ERICH3: variants seen among roughly 807,000 people sequenced by gnomAD.
ERICH3 encodes the protein glutamate rich 3.
In ERICH3, 126 loss-of-function variants were observed where a neutral mutation model predicts 131.1. The ratio of observed to expected loss-of-function variants is 0.96; its 90% CI spans 0.83 to 1.11. The LOEUF is 1.11. ERICH3 is among the 50% of genes most tolerant of loss of function. The pLI, the probability that ERICH3 is intolerant of heterozygous loss-of-function variation, is 0.00. For missense variants in ERICH3, 2,050 were observed against 1,810.7 expected (o/e 1.13, Z -2.40); for synonymous variants, 695 against 644.6 (o/e 1.08, Z -1.18).
At chr1:74,604,010 A>C (rs1648269774) in intron 10 of ERICH3, among the ~76,000 whole-genome samples, 1 of 151,964 alleles carries the variant, frequency 6.6e-6, no homozygotes, top group Non-Finnish European at 1.5e-5. Context: ...GCTGTTTAAC[A>C]GCATTTACAC....
chr1:74,630,096 G>T (rs1012756676), intron 7 of ERICH3, among the ~76,000 whole-genome samples: 2 of 152,120 alleles, frequency 1.3e-5, no homozygotes, highest in Admixed American at 1.3e-4. Flanking sequence ...AAAAGAGCAT[G>T]AACAGGTAGA....
intron 12 of ERICH3, chr1:74,579,358 A>C: frequency 1.0e-6 from 1 of 977,208 alleles, no homozygotes; most frequent in Non-Finnish European, 1.2e-6. Context: ...AAAGACTACT[A>C]TAAGAAGCCA....
chr1:74,573,946 C>T (rs575718952), intron 13 of ERICH3, among the ~76,000 whole-genome samples: 13 of 150,348 alleles, frequency 8.6e-5, no homozygotes, highest in Non-Finnish European at 1.9e-4. Flanking sequence ...AGAAAAATAG[C>T]ATTTAATCTT....
At chr1:74,590,908 A>G (rs1453256146) in intron 11 of ERICH3, among the ~76,000 whole-genome samples, 1 of 152,190 alleles carries the variant, frequency 6.6e-6, no homozygotes, top group Non-Finnish European at 1.5e-5. Context: ...AAAACGCTTT[A>G]TAAATATTCA....
rs1478021738 is a variant in ERICH3, at chr1:74,569,003, C to T, written c.*1455G>A. 1 of 152,114 alleles carries T rather than the reference C, an allele frequency of 6.6e-6. No homozygotes were observed. Among genetic ancestry groups the T allele is most frequent in the Non-Finnish European group, 1.5e-5 (1 of 68,024 alleles). The allele number at this position is 152,114 out of a possible 1,614,324, so 9.4% of individuals were successfully genotyped here. On this transcript the variant is annotated 3_prime_UTR_variant, in exon 15 of 15. Coordinates refer to ENST00000326665, the MANE Select transcript of ERICH3 (RefSeq NM_001002912.5). ...TCTGATCAAGGGACCAGTCTACTAT[C>T]TGGTCCAGTGTATTTTTGATCATTG...
chr1:74,636,034 TA>T, intron 6 of ERICH3, among the ~76,000 whole-genome samples: 1 of 152,322 alleles, frequency 6.6e-6, no homozygotes, highest in South Asian at 2.1e-4. Context: ...CCTTGTAAAC[TA>T]AGGAGAAATC....
intron 1 of ERICH3, among the ~76,000 whole-genome samples, chr1:74,660,201 T>G (rs1646627156): frequency 6.6e-6 from 1 of 152,120 alleles, no homozygotes; most frequent in South Asian, 2.1e-4. Flanking sequence ...AGGACATGTT[T>G]GGTTCCCCTT....
intron 12 of ERICH3, chr1:74,580,052 T>C (rs1021693019): frequency 3.5e-5 from 10 of 288,736 alleles, no homozygotes; most frequent in Admixed American, 1.3e-4. Flanking sequence ...TTTCCCTAAA[T>C]ATGGAGACAG....
At chr1:74,596,534 C>G (rs1278830788) in intron 11 of ERICH3, among the ~76,000 whole-genome samples, 1 of 151,950 alleles carries the variant, frequency 6.6e-6, no homozygotes, top group South Asian at 2.1e-4. Context: ...CACTGTTATT[C>G]GCTATAGTCA....
intron 5 of ERICH3, among the ~76,000 whole-genome samples, chr1:74,638,742 T>C (rs1646412906): frequency 6.6e-6 from 1 of 152,188 alleles, no homozygotes; most frequent in Non-Finnish European, 1.5e-5. Context: ...TTCCAGGTCA[T>C]GTGCTTAGAG....
Position 74,630,370 on chromosome 1 carries a change from C to T in ERICH3, c.819+1343G>A, listed in dbSNP as rs953664159. On this transcript the variant is annotated intron_variant, in intron 7 of 14. Transcript: ENST00000326665. ...CTACTCCATTGAGGTCAGTCTTGGT[C>T]AAGGGCTTGCCAAATGGCATTCAAG... Among the ~76,000 whole-genome samples the T allele has an allele frequency of 3.9e-5, 6 of 152,242 alleles. No individual in the cohort carries two copies. The South Asian group carries it at 1.2e-3, about 32-fold the overall frequency.
intron 5 of ERICH3, among the ~76,000 whole-genome samples, chr1:74,637,301 C>T (rs1369923791): frequency 6.6e-6 from 1 of 152,148 alleles, no homozygotes; most frequent in Non-Finnish European, 1.5e-5. Context: ...GGGAAGCCCT[C>T]TCCCAGCTAC....
At chr1:74,661,871 T>C (rs1299123621) in intron 1 of ERICH3, among the ~76,000 whole-genome samples, 2 of 152,222 alleles carry the variant, frequency 1.3e-5, no homozygotes, top group African/African-American at 4.8e-5. Flanking sequence ...CAAAAATAAA[T>C]CCTCTTCGGA....
chr1:74,642,477 G>A (rs1364201154), intron 4 of ERICH3, among the ~76,000 whole-genome samples: 1 of 152,056 alleles, frequency 6.6e-6, no homozygotes, highest in Admixed American at 6.6e-5. Flanking sequence ...CTTGATTCAA[G>A]TTTATATTTC....
intron 1 of ERICH3, among the ~76,000 whole-genome samples, chr1:74,667,192 TC>T (rs1410435715): frequency 6.6e-6 from 1 of 152,210 alleles, no homozygotes; most frequent in African/African-American, 2.4e-5. Flanking sequence ...TTTTCCTCTA[TC>T]TTTTTTTATA....
chr1:74,574,270 C>T lies in ERICH3; in HGVS notation c.2219-779G>A, dbSNP rs74093403. On this transcript the variant is annotated intron_variant, in intron 13 of 14. Transcript: ENST00000326665. The stretch of plus-strand genomic sequence containing the variant: ...AAAGTGTTGGGATTACAGGTGTGGG[C>T]CACTGCACCTGGCCCTGAACTCATT... Among the ~76,000 whole-genome samples, 1,414 of 152,114 alleles carry T rather than the reference C, an allele frequency of 9.3e-3. 18 individuals carry two copies. Among genetic ancestry groups the T allele is most frequent in the African/African-American group, 0.032 (1,339 of 41,502 alleles).
intron 1 of ERICH3, among the ~76,000 whole-genome samples, chr1:74,664,726 A>T (rs1646673224): frequency 6.6e-6 from 1 of 152,228 alleles, no homozygotes; most frequent in African/African-American, 2.4e-5. Flanking sequence ...TAGAAAAATA[A>T]TAACAGTCGC....
chr1:74,641,592 G>T, intron 4 of ERICH3, 133 bp from the exon 5 acceptor site: 1 of 1,105,010 alleles, frequency 9.0e-7, no homozygotes. Context: ...TTTTGTTAAG[G>T]AGTTAGGTGT....
intron 8 of ERICH3, among the ~76,000 whole-genome samples, chr1:74,614,042 A>G (rs559474557): frequency 6.6e-6 from 1 of 152,286 alleles, no homozygotes; most frequent in African/African-American, 2.4e-5. Context: ...AGCATCACCT[A>G]GAGGGCTTGT....
Sources: allele counts gnomAD v4.1 joint callset (sites outside exome capture counted in the v4.1 genomes callset), GRCh38; gene constraint gnomAD v4.1.1; transcripts MANE v1.5; gene names NCBI Gene and HGNC (gene_info 2026-07-23, HGNC 2026-07-21).